The following STARD13 variants were observed in gnomAD, a reference collection of about 807,000 sequenced individuals.
The protein encoded by STARD13 is stAR-related lipid transfer protein 13.
Under a neutral mutation model 106.4 loss-of-function variants are expected in STARD13, and 62 were observed. That is an observed-to-expected ratio of 0.58 (90% CI 0.48 to 0.72). STARD13 has a LOEUF of 0.72. Ranked by LOEUF, STARD13 falls within the 30% of genes least tolerant of loss-of-function variation. The probability of loss-of-function intolerance (pLI) is 0.00; values close to 1 mark genes in which losing one functional copy is unlikely to be tolerated. For synonymous variants in STARD13, 565 were observed against 553.0 expected, an observed-to-expected ratio of 1.02 and a Z score of -0.31; for missense variants, 1,387 against 1,424.0, an observed-to-expected ratio of 0.97 and a Z score of 0.42.
At chr13:33,669,059 G>A in the STARD13 span, among the ~76,000 whole-genome samples, 3 of 152,116 alleles carry the variant, frequency 2.0e-5, no homozygotes, top group East Asian at 3.9e-4. Context: ...GCAGGTCCTG[G>A]ATCACAATGT....
the STARD13 span, among the ~76,000 whole-genome samples, chr13:33,571,151 G>T: frequency 2.0e-5 from 3 of 152,048 alleles, no homozygotes; most frequent in South Asian, 6.2e-4. Context: ...GACTCCTGAG[G>T]GGAAGACATC....
chr13:33,320,937 T>C (rs1056697408), intron 1 of STARD13, among the ~76,000 whole-genome samples: 4 of 152,328 alleles, frequency 2.6e-5, no homozygotes, highest in Admixed American at 6.5e-5. Context: ...ACTATTAACA[T>C]ATCATTGAAG....
rs200783157 is a variant in STARD13 at position 33,129,600 on chromosome 13, G to T, written c.1077C>A (p.Arg359=). Residue 359 remains arginine, a synonymous_variant, in exon 5 of 14, where the codon CGC becomes CGA. Coordinates refer to ENST00000336934, the MANE Select transcript of STARD13 (RefSeq NM_178006.4). ...CTAGGTCCTCCAAGTACATGCCCCCGCGCTTGTTGGCCTCGTGGCACTTGC... is the reference window on the plus strand; with the variant it reads ...CTAGGTCCTCCAAGTACATGCCCCCTCGCTTGTTGGCCTCGTGGCACTTGC... ...KERKCHEANK[R]GGMYLEDLDV... 9 of 1,613,940 alleles carry T rather than the reference G, an allele frequency of 5.6e-6. No homozygotes were observed. The highest frequency in any genetic ancestry group is 7.6e-6 in the Non-Finnish European group (9 of 1,180,040).
In STARD13 at chr13:33,140,904, G is replaced by A. The variant is rs182557554; in HGVS notation, c.387+1406C>T. Among the ~76,000 whole-genome samples the A allele has an allele frequency of 9.9e-4, 150 of 152,030 alleles. 2 individuals are homozygous for A. In the South Asian group the frequency reaches 0.015, roughly 15 times the overall value. On this transcript the variant is annotated intron_variant, in intron 4 of 13. Coordinates refer to ENST00000336934, the MANE Select transcript of STARD13 (RefSeq NM_178006.4). Reference sequence around the variant, plus strand: ...CTCCCGATTAGCTGGGACTACAGGCGTGTGCCACCATGCCCAGCTAATTTT... The same window carrying A: ...CTCCCGATTAGCTGGGACTACAGGCATGTGCCACCATGCCCAGCTAATTTT...
intron 3 of STARD13, among the ~76,000 whole-genome samples, chr13:33,156,380 C>T (rs1238930791): frequency 1.3e-5 from 2 of 152,150 alleles, no homozygotes; most frequent in Non-Finnish European, 2.9e-5. Flanking sequence ...TCACTTTGGT[C>T]TTGCTTTCAA....
chr13:33,423,205 G>A, the STARD13 span, among the ~76,000 whole-genome samples: 5 of 152,282 alleles, frequency 3.3e-5, no homozygotes, highest in East Asian at 9.6e-4. Flanking sequence ...CTGACAAAGA[G>A]CTAATATCCA....
chr13:33,466,697 TA>T, the STARD13 span, among the ~76,000 whole-genome samples: 2 of 152,094 alleles, frequency 1.3e-5, no homozygotes, highest in African/African-American at 4.8e-5. Context: ...AGATTGAAGT[TA>T]AAAAAACAGT....
chr13:33,480,564 AG>A, the STARD13 span, among the ~76,000 whole-genome samples: 1 of 152,202 alleles, frequency 6.6e-6, no homozygotes, highest in African/African-American at 2.4e-5. Context: ...TTTGAGAACC[AG>A]GATTATCACT....
chr13:33,674,572 C>A, the STARD13 span, among the ~76,000 whole-genome samples: 1 of 152,128 alleles, frequency 6.6e-6, no homozygotes, highest in African/African-American at 2.4e-5. Flanking sequence ...ATTTCTCTAC[C>A]TTTTGGGGAC....
the STARD13 span, among the ~76,000 whole-genome samples, chr13:33,491,170 G>A: frequency 2.6e-5 from 4 of 152,190 alleles, no homozygotes; most frequent in Non-Finnish European, 5.9e-5. Flanking sequence ...ACTGTTGAAA[G>A]GATAACAGAC....
intron 1 of STARD13, among the ~76,000 whole-genome samples, chr13:33,182,182 G>A (rs536189250): frequency 6.6e-6 from 1 of 152,256 alleles, no homozygotes; most frequent in Non-Finnish European, 1.5e-5. Flanking sequence ...TATGCAAGGA[G>A]ATCTGACATT....
intron 3 of STARD13, among the ~76,000 whole-genome samples, chr13:33,156,441 C>T (rs1248897296): frequency 6.6e-6 from 1 of 152,268 alleles, no homozygotes. Flanking sequence ...ACTGGCAACA[C>T]TAAGATTGCA....
intron 1 of STARD13, chr13:33,278,260 A>C (rs1891560237): frequency 6.6e-6 from 1 of 152,218 alleles, no homozygotes; most frequent in Non-Finnish European, 1.5e-5. Flanking sequence ...TAGCATTTCC[A>C]AAAATGACTT....
At chr13:33,412,246 A>G in the STARD13 span, among the ~76,000 whole-genome samples, 3 of 152,202 alleles carry the variant, frequency 2.0e-5, 1 homozygote, top group Middle Eastern at 6.3e-3. Flanking sequence ...TGTACTTCAC[A>G]CACTAGCAAA....
At chr13:33,105,904 A>T (rs1231567211) in intron 13 of STARD13, among the ~76,000 whole-genome samples, 194 bp from the exon 14 acceptor site, 1 of 152,224 alleles carries the variant, frequency 6.6e-6, no homozygotes, top group Non-Finnish European at 1.5e-5. Context: ...CTAAGTATTC[A>T]TGTTGTCATT....
chr13:33,254,175 T>G (rs1408553067), intron 1 of STARD13, among the ~76,000 whole-genome samples: 1 of 152,112 alleles, frequency 6.6e-6, no homozygotes, highest in Non-Finnish European at 1.5e-5. Context: ...GATGGGGTAG[T>G]GGGTGGCAAA....
chr13:33,599,461 T>C, the STARD13 span, among the ~76,000 whole-genome samples: 5 of 152,298 alleles, frequency 3.3e-5, no homozygotes, highest in South Asian at 1.0e-3. Flanking sequence ...AATAACCTTG[T>C]TTATCAATTT....
At chr13:33,197,081 A>G (rs978036572) in intron 1 of STARD13, among the ~76,000 whole-genome samples, 1 of 152,048 alleles carries the variant, frequency 6.6e-6, no homozygotes, top group African/African-American at 2.4e-5. Flanking sequence ...TGCCGGGGAA[A>G]TGAATATAGG....
chr13:33,210,573 C>T (rs1399571993), intron 1 of STARD13, among the ~76,000 whole-genome samples: 7 of 152,168 alleles, frequency 4.6e-5, no homozygotes, highest in Non-Finnish European at 8.8e-5. Flanking sequence ...TCAATACATG[C>T]TATCATTCCA....
Sources: allele counts gnomAD v4.1 joint callset (sites outside exome capture counted in the v4.1 genomes callset), GRCh38; gene constraint gnomAD v4.1.1; transcripts MANE v1.5; gene names NCBI Gene and HGNC (gene_info 2026-07-23, HGNC 2026-07-21).